The following USH2A variants were observed in gnomAD, a reference collection of about 807,000 sequenced individuals.
USH2A encodes Usher syndrome 2A (autosomal recessive, mild).
A neutral mutation model predicts 538.9 loss-of-function variants in USH2A; 443 were observed. That is an observed-to-expected ratio of 0.82 (90% CI 0.76 to 0.89). USH2A has a LOEUF of 0.89. USH2A is among the 40% of genes least tolerant of loss of function. The pLI is 0.00. For synonymous variants in USH2A, 2,413 were observed against 2,273.5 expected (o/e 1.06, Z -1.75); for missense variants, 6,633 against 6,324.8 (o/e 1.05, Z -1.65).
intron 60 of USH2A, among the ~76,000 whole-genome samples, chr1:215,730,738 T>C (rs1171867038): frequency 1.3e-5 from 2 of 152,250 alleles, no homozygotes; most frequent in Admixed American, 1.3e-4. Context: ...AGCTTCATGC[T>C]GGAAGCTATA....
chr1:216,184,565 A>G (rs1034224619), intron 20 of USH2A, among the ~76,000 whole-genome samples: 5 of 152,010 alleles, frequency 3.3e-5, no homozygotes, highest in African/African-American at 1.2e-4. Flanking sequence ...AACAAAATGC[A>G]TTCATAACTA....
intron 30 of USH2A, among the ~76,000 whole-genome samples, chr1:216,052,897 T>C (rs2030841194): frequency 6.6e-6 from 1 of 152,212 alleles, no homozygotes; most frequent in Admixed American, 6.5e-5. Context: ...TCCTTTGAGA[T>C]CATTGAGTGG....
At chr1:216,421,118 A>G (rs1490946841) in intron 2 of USH2A, among the ~76,000 whole-genome samples, 1 of 152,132 alleles carries the variant, frequency 6.6e-6, no homozygotes, top group African/African-American at 2.4e-5. Flanking sequence ...TCAGCTTGAG[A>G]AAAGATTACA....
intron 32 of USH2A, among the ~76,000 whole-genome samples, chr1:216,029,323 T>G (rs182924083): frequency 3.6e-4 from 55 of 152,178 alleles, no homozygotes; most frequent in Non-Finnish European, 1.5e-5. Flanking sequence ...TCTGCACAAG[T>G]GCTTTACAAT....
chr1:215,760,527 T>C (rs750297346), intron 56 of USH2A, among the ~76,000 whole-genome samples: 2 of 152,162 alleles, frequency 1.3e-5, no homozygotes, highest in Non-Finnish European at 2.9e-5. Context: ...ACTCTGAGTG[T>C]GAGACTCAAG....
At chr1:215,730,893 A>T (rs1659976907) in intron 60 of USH2A, among the ~76,000 whole-genome samples, 1 of 152,206 alleles carries the variant, frequency 6.6e-6, no homozygotes, top group South Asian at 2.1e-4. Flanking sequence ...GATATCAGGT[A>T]CCAGGTGTGT....
intron 9 of USH2A, among the ~76,000 whole-genome samples, chr1:216,302,952 A>G (rs1364276447): frequency 6.6e-6 from 1 of 152,066 alleles, no homozygotes; most frequent in African/African-American, 2.4e-5. Context: ...TTGTGAATAC[A>G]GAAGTAATTA....
chr1:216,192,088 A>G (rs1370307929), intron 19 of USH2A, among the ~76,000 whole-genome samples: 1 of 151,672 alleles, frequency 6.6e-6, no homozygotes, highest in Non-Finnish European at 1.5e-5. Flanking sequence ...GTTTTTCATG[A>G]AATAAGTCTT....
intron 35 of USH2A, among the ~76,000 whole-genome samples, chr1:215,992,212 G>T (rs1436141899): frequency 1.3e-5 from 2 of 152,074 alleles, no homozygotes; most frequent in Non-Finnish European, 2.9e-5. Flanking sequence ...TTTCTTAAAA[G>T]AGTTTCTATA....
chr1:215,883,372 G>T lies in USH2A; in HGVS notation c.8224-4274C>A, dbSNP rs535696534. Among the ~76,000 whole-genome samples the T allele has an allele frequency of 1.6e-4, 25 of 151,660 alleles. 1 individual carries two copies. The South Asian group carries it at 2.7e-3, about 16-fold the overall frequency. Reference sequence around the variant, plus strand: ...TGGATGTTAACTTTTTTTGGTGGGTGGGGGGGAAGTTTATGCCTTAGAAAA... The same window carrying T: ...TGGATGTTAACTTTTTTTGGTGGGTTGGGGGGAAGTTTATGCCTTAGAAAA... On this transcript the variant is annotated intron_variant, in intron 41 of 71. Transcript: ENST00000307340.
chr1:215,715,083 C>T (rs2102701579), intron 61 of USH2A, among the ~76,000 whole-genome samples: 1 of 152,252 alleles, frequency 6.6e-6, no homozygotes, highest in Admixed American at 6.5e-5. Flanking sequence ...CCTATTAACC[C>T]ATCACCTAGG....
chr1:216,000,202 T>A (rs1668234450), intron 33 of USH2A, among the ~76,000 whole-genome samples: 1 of 152,188 alleles, frequency 6.6e-6, no homozygotes, highest in African/African-American at 2.4e-5. Flanking sequence ...TGTACCTATG[T>A]AGCTCAGCCT....
rs568180259 is a variant in USH2A at position 215,680,486 on chromosome 1, C to T, written c.12067-110G>A. On this transcript the variant is annotated intron_variant, in intron 61 of 71. Coordinates refer to ENST00000307340, the MANE Select transcript of USH2A (RefSeq NM_206933.4). Reference sequence around the variant, plus strand: ...GGCCAAAGCTTGTAGGCAACAGCAGCGCAAACACTACAGCAGAGTTTTGAA... The same window carrying T: ...GGCCAAAGCTTGTAGGCAACAGCAGTGCAAACACTACAGCAGAGTTTTGAA... The T allele has an allele frequency of 5.8e-5, 59 of 1,013,898 alleles. 1 individual carries two copies. The highest frequency in any genetic ancestry group is 5.4e-4 in the South Asian group (40 of 74,330). The allele number at this position is 1,013,898 out of a possible 1,614,324, so 62.8% of individuals were successfully genotyped here. A position where few individuals can be genotyped will look rare whatever the true frequency, so the allele number is the denominator to read the frequency against.
At chr1:216,386,811 C>T (rs1437675823) in intron 3 of USH2A, among the ~76,000 whole-genome samples, 1 of 149,394 alleles carries the variant, frequency 6.7e-6, no homozygotes, top group Non-Finnish European at 1.5e-5. Context: ...GCTGAGATCA[C>T]GCCACTGCAA....
At chr1:216,031,793 G>A (rs933134586) in intron 32 of USH2A, among the ~76,000 whole-genome samples, 1 of 152,084 alleles carries the variant, frequency 6.6e-6, no homozygotes, top group Non-Finnish European at 1.5e-5. Flanking sequence ...TACTTACCCA[G>A]GGTGCACACT....
intron 70 of USH2A, among the ~76,000 whole-genome samples, chr1:215,631,360 C>T (rs1558030053): frequency 6.6e-6 from 1 of 152,134 alleles, no homozygotes; most frequent in Non-Finnish European, 1.5e-5. Context: ...TTCCCCTTGA[C>T]TGGATTCTTT....
intron 46 of USH2A, 73 bp from the exon 47 acceptor site, chr1:215,838,176 C>T: frequency 8.5e-7 from 1 of 1,178,660 alleles, no homozygotes; most frequent in Non-Finnish European, 1.3e-6. Context: ...CTGAATCCCA[C>T]CTTCCCTCAT....
At position 216,247,052 on chromosome 1, in the gene USH2A, C is replaced by T; in HGVS notation, c.2342G>A (p.Arg781Lys). The T allele has an allele frequency of 1.9e-6, 3 of 1,614,046 alleles. No individual in the cohort carries two copies. The highest frequency in any genetic ancestry group is 2.5e-6 in the Non-Finnish European group (3 of 1,179,966). ...EAKGLQCDTC[R>K]ENFYGLDVTN... ...GACATCTAACCCATAAAAGTTTTCTCTGCAGGTGTCACACTGAAGTCCTTT... is the reference window on the plus strand; with the variant it reads ...GACATCTAACCCATAAAAGTTTTCTTTGCAGGTGTCACACTGAAGTCCTTT... The change falls in exon 13 of 72, where the codon AGA becomes AAA. Residue 781 changes from arginine to lysine, a missense_variant. Arg to Lys is a conservative substitution (Grantham distance 26). Coordinates refer to ENST00000307340, the MANE Select transcript of USH2A (RefSeq NM_206933.4).
chr1:215,678,442 ATTTGCTGTTCAT>A (rs1392435793), intron 62 of USH2A, among the ~76,000 whole-genome samples: 1 of 152,048 alleles, frequency 6.6e-6, no homozygotes, highest in Non-Finnish European at 1.5e-5. Flanking sequence ...CAGGCCTTGC[ATTTGCTGTTCAT>A]TTTGTCTGGA....
Sources: gnomAD v4.1 joint callset for allele counts (sites outside exome capture counted in the v4.1 genomes callset) on GRCh38, gnomAD v4.1.1 for gene constraint, MANE v1.5 for transcripts, NCBI Gene and HGNC (gene_info 2026-07-23, HGNC 2026-07-21) for gene names.